CSMD3: variants seen among roughly 807,000 people sequenced by gnomAD.
The protein encoded by CSMD3 is CUB and sushi domain-containing protein 3.
CSMD3 carries 177 observed loss-of-function variants against 435.2 expected under a neutral mutation model. The observed-to-expected ratio is 0.41, with a 90% CI of 0.36 to 0.46. The LOEUF (loss-of-function observed/expected upper bound fraction) is 0.46. Among genes scored for constraint, CSMD3 ranks in the 20% least tolerant of loss-of-function variants. The pLI is 0.34. For synonymous variants in CSMD3, 1,656 were observed against 1,520.5 expected (o/e 1.09, Z -2.07); for missense variants, 4,265 against 4,504.6 (o/e 0.95, Z 1.52).
At chr8:112,646,195 TTCAAAGGAC>T (rs1336543951) in intron 19 of CSMD3, among the ~76,000 whole-genome samples, 1 of 152,184 alleles carries the variant, frequency 6.6e-6, no homozygotes, top group African/African-American at 2.4e-5. Flanking sequence ...CAGTCTCTAC[TTCAAAGGAC>T]TATATGTCAT....
At chr8:112,231,853 G>C (rs925154300) in intron 68 of CSMD3, among the ~76,000 whole-genome samples, 3 of 152,138 alleles carry the variant, frequency 2.0e-5, no homozygotes, top group African/African-American at 4.8e-5. Flanking sequence ...ACAAAACAGA[G>C]ATTGGTTATT....
chr8:113,279,161 T>C (rs551808396), intron 2 of CSMD3, among the ~76,000 whole-genome samples: 22 of 150,860 alleles, frequency 1.5e-4, no homozygotes, highest in African/African-American at 4.9e-4. Flanking sequence ...ACTAAAAATC[T>C]CTCTATGAAG....
In CSMD3 at chr8:112,440,443, C is replaced by T. The variant is rs187569939; in HGVS notation, c.5396-31411G>A. ...GTGTCCATGGCTTCTCCAGGCCCAC[C>T]GCTCAAGCTGTCAATGGATCTACCA... On this transcript the variant is annotated intron_variant, in intron 32 of 70. Coordinates refer to ENST00000297405, the MANE Select transcript of CSMD3 (RefSeq NM_198123.2). Among the ~76,000 whole-genome samples, 964 of 152,216 alleles carry T rather than the reference C, an allele frequency of 6.3e-3. 4 individuals are homozygous for T. The highest frequency in any genetic ancestry group is 0.011 in the Non-Finnish European group (743 of 68,002).
chr8:112,781,526 A>G (rs568626069), intron 13 of CSMD3, among the ~76,000 whole-genome samples: 16 of 152,250 alleles, frequency 1.1e-4, no homozygotes, highest in African/African-American at 3.6e-4. Flanking sequence ...GAATGGCACT[A>G]GTCTGGTAGG....
chr8:113,080,912 G>C (rs1019596351), intron 5 of CSMD3, among the ~76,000 whole-genome samples: 4 of 152,154 alleles, frequency 2.6e-5, no homozygotes, highest in Non-Finnish European at 5.9e-5. Context: ...GACAAAATGA[G>C]CAAAAACTGC....
chr8:112,310,543 C>T, intron 50 of CSMD3: 1 of 235,058 alleles, frequency 4.3e-6, no homozygotes, highest in South Asian at 5.8e-5. Flanking sequence ...TGGTGGGTTA[C>T]ATTTTTCTCT....
At chr8:112,522,620 G>A (rs970960912) in intron 27 of CSMD3, among the ~76,000 whole-genome samples, 1 of 151,892 alleles carries the variant, frequency 6.6e-6, no homozygotes, top group African/African-American at 2.4e-5. Context: ...TTCAGTGTAT[G>A]CTGAAGGTTT....
At chr8:112,401,313 T>C (rs1431169517) in intron 35 of CSMD3, among the ~76,000 whole-genome samples, 1 of 152,204 alleles carries the variant, frequency 6.6e-6, no homozygotes, top group African/African-American at 2.4e-5. Flanking sequence ...TTCTCTTCGC[T>C]TGCTATTTTG....
At chr8:112,720,712 G>T (rs1563892624) in intron 13 of CSMD3, among the ~76,000 whole-genome samples, 1 of 152,194 alleles carries the variant, frequency 6.6e-6, no homozygotes, top group Non-Finnish European at 1.5e-5. Context: ...CACAGTGCCG[G>T]ATTCTGGCAA....
At chr8:112,961,631 T>C (rs2084233166) in intron 7 of CSMD3, among the ~76,000 whole-genome samples, 1 of 151,966 alleles carries the variant, frequency 6.6e-6, no homozygotes, top group Non-Finnish European at 1.5e-5. Flanking sequence ...GAGGAGACAC[T>C]GTGTTTTAAT....
chr8:113,223,044 G>A (rs530281429), intron 3 of CSMD3, among the ~76,000 whole-genome samples: 2 of 150,680 alleles, frequency 1.3e-5, no homozygotes, highest in East Asian at 3.9e-4. Context: ...TTCCTAAAAA[G>A]AGTATTAAAT....
intron 7 of CSMD3, among the ~76,000 whole-genome samples, chr8:112,973,413 A>G (rs1299971193): frequency 1.3e-5 from 2 of 151,884 alleles, no homozygotes; most frequent in Non-Finnish European, 2.9e-5. Flanking sequence ...TACAAAATCT[A>G]TCTTGTACCA....
At chr8:112,461,886 AT>A (rs1817483780) in intron 32 of CSMD3, among the ~76,000 whole-genome samples, 1 of 152,130 alleles carries the variant, frequency 6.6e-6, no homozygotes, top group African/African-American at 2.4e-5. Context: ...CTGTAAGCAG[AT>A]TTTTGGTGCA....
At chr8:112,381,295 A>G (rs1829442282) in intron 37 of CSMD3, among the ~76,000 whole-genome samples, 1 of 152,164 alleles carries the variant, frequency 6.6e-6, no homozygotes, top group South Asian at 2.1e-4. Flanking sequence ...ATGCATTATA[A>G]TGATATTTTT....
chr8:112,414,762 C>T (rs187563364), intron 32 of CSMD3, among the ~76,000 whole-genome samples: 5 of 152,212 alleles, frequency 3.3e-5, no homozygotes, highest in Middle Eastern at 6.8e-3. Flanking sequence ...ATATGGACAA[C>T]GAAGTCCAGA....
At chr8:112,602,427 G>A (rs984439649) in intron 22 of CSMD3, among the ~76,000 whole-genome samples, 2 of 151,982 alleles carry the variant, frequency 1.3e-5, no homozygotes, top group East Asian at 3.9e-4. Flanking sequence ...TTAGCTGGGT[G>A]TGGTGGCGGG....
intron 3 of CSMD3, among the ~76,000 whole-genome samples, chr8:113,181,671 A>G (rs2092423536): frequency 6.6e-6 from 1 of 152,070 alleles, no homozygotes; most frequent in African/African-American, 2.4e-5. Flanking sequence ...CATGAAATAT[A>G]AAAAGTTATG....
intron 17 of CSMD3, among the ~76,000 whole-genome samples, chr8:112,659,650 A>G (rs1181895769): frequency 1.3e-5 from 2 of 152,172 alleles, no homozygotes; most frequent in Admixed American, 6.5e-5. Flanking sequence ...GAGCTGCTGG[A>G]TATTGAGAAA....
At chr8:112,443,146 T>C (rs1815223159) in intron 32 of CSMD3, among the ~76,000 whole-genome samples, 1 of 152,172 alleles carries the variant, frequency 6.6e-6, no homozygotes, top group South Asian at 2.1e-4. Flanking sequence ...AAGTGCAAAG[T>C]GGAGTGTTTA....
Sources: allele counts gnomAD v4.1 joint callset (sites outside exome capture counted in the v4.1 genomes callset), GRCh38; gene constraint gnomAD v4.1.1; transcripts MANE v1.5; gene names NCBI Gene and HGNC (gene_info 2026-07-23, HGNC 2026-07-21).